Variants in TG observed in about 807,000 individuals in gnomAD.
TG encodes the protein thyroglobulin.
Under a neutral mutation model 324.7 loss-of-function variants are expected in TG, and 270 were observed. The observed-to-expected ratio is 0.83, with a 90% CI of 0.75 to 0.92. The LOEUF (loss-of-function observed/expected upper bound fraction) is 0.92. TG is among the 40% of genes least tolerant of loss of function. The pLI is 0.00. For synonymous variants in TG, 1,401 were observed against 1,327.0 expected, an observed-to-expected ratio of 1.06 and a Z score of -1.21; for missense variants, 3,591 against 3,456.4, an observed-to-expected ratio of 1.04 and a Z score of -0.98.
chr8:133,100,905 C>T (rs986092825), intron 43 of TG, among the ~76,000 whole-genome samples: 8 of 152,144 alleles, frequency 5.3e-5, no homozygotes, highest in African/African-American at 1.2e-4. Flanking sequence ...TCTTACTTTA[C>T]GTTATCTCAA....
At chr8:133,073,553 T>C (rs1844400635) in intron 41 of TG, among the ~76,000 whole-genome samples, 1 of 152,156 alleles carries the variant, frequency 6.6e-6, no homozygotes, top group Non-Finnish European at 1.5e-5. Flanking sequence ...AGCATTCTTC[T>C]AAATGGAGAC....
chr8:133,053,264 TTTGTGTGA>T (rs1435801696), intron 41 of TG, among the ~76,000 whole-genome samples: 3 of 152,142 alleles, frequency 2.0e-5, no homozygotes, highest in Non-Finnish European at 2.9e-5. Flanking sequence ...CATTTTCCCA[TTTGTGTGA>T]CTGTCAGGGG....
At chr8:132,983,261 T>C in intron 34 of TG, 89 bp from the exon 35 acceptor site, 1 of 1,427,440 alleles carries the variant, frequency 7.0e-7, no homozygotes, top group Non-Finnish European at 9.9e-7. Flanking sequence ...AATTTTACAA[T>C]CACCATCTTA....
At chr8:133,076,796 G>T (rs1485492595) in intron 41 of TG, 2 of 148,604 alleles carry the variant, frequency 1.3e-5, no homozygotes, top group East Asian at 1.9e-4. Context: ...CAAAAGCCCT[G>T]CCCTTCCCTG....
intron 45 of TG, among the ~76,000 whole-genome samples, chr8:133,131,297 G>A (rs192045283): frequency 1.3e-5 from 2 of 152,306 alleles, no homozygotes; most frequent in African/African-American, 4.8e-5. Flanking sequence ...AGTCTAGCAT[G>A]TATTTATTGA....
At chr8:133,049,160 G>C (rs1403851109) in intron 41 of TG, 1 of 456,474 alleles carries the variant, frequency 2.2e-6, no homozygotes, top group South Asian at 1.5e-5. Context: ...CACCCAGGAG[G>C]CTGCAGAGGC....
In TG at chr8:133,029,932, C is replaced by T; in HGVS notation, c.7148C>T (p.Ala2383Val). The T allele has an allele frequency of 1.9e-6, 3 of 1,614,200 alleles. No homozygotes were observed. Among genetic ancestry groups the T allele is most frequent in the Non-Finnish European group, 2.5e-6 (3 of 1,180,034 alleles). Residue 2383 changes from alanine (A) to valine (V), a missense_variant, in exon 41 of 48, where the codon GCA becomes GTA. Coordinates refer to ENST00000220616, the MANE Select transcript of TG (RefSeq NM_003235.5). Reference sequence around the variant, plus strand: ...GGGGACCCTCGGCGCGTGTCCCTGGCAGCAGACCGTGGCGGGGCTGATGTG... The same window carrying T: ...GGGGACCCTCGGCGCGTGTCCCTGGTAGCAGACCGTGGCGGGGCTGATGTG... ...FGGDPRRVSLAADRGGADVAS... is the reference protein window; with the variant it reads ...FGGDPRRVSLVADRGGADVAS...
Position 132,894,913 on chromosome 8 carries a change from G to A in TG, c.3001+984G>A, listed in dbSNP as rs150587423. 1.3e-4 allele frequency among the ~76,000 whole-genome samples: 20 copies of A among 152,340 alleles called. No homozygotes were observed. The East Asian group carries it at 3.9e-3, about 29-fold the overall frequency. ...TGCAAATGGGGAAATGGAGTCTGAGGTTAAGTCACTTGCCCGAATTCACAC... is the reference window on the plus strand; with the variant it reads ...TGCAAATGGGGAAATGGAGTCTGAGATTAAGTCACTTGCCCGAATTCACAC... On this transcript the variant is annotated intron_variant, in intron 11 of 47. Coordinates refer to ENST00000220616, the MANE Select transcript of TG (RefSeq NM_003235.5).
At chr8:132,917,153 C>T (rs1820455153) in intron 20 of TG, among the ~76,000 whole-genome samples, 1 of 151,602 alleles carries the variant, frequency 6.6e-6, no homozygotes, top group Non-Finnish European at 1.5e-5. Context: ...TGCCATGTTA[C>T]ACACTCAGGG....
At chr8:132,993,414 T>C (rs920338586) in intron 35 of TG, among the ~76,000 whole-genome samples, 1 of 152,198 alleles carries the variant, frequency 6.6e-6, no homozygotes, top group Admixed American at 6.5e-5. Flanking sequence ...ATTTCAATTG[T>C]CTCACCTGTA....
chr8:133,116,772 G>T, intron 45 of TG, 56 bp downstream of exon 45: 2 of 1,446,370 alleles, frequency 1.4e-6, no homozygotes, highest in Non-Finnish European at 9.7e-7. Context: ...ATAAGTCCCA[G>T]TTCGATGACA....
At chr8:132,972,502 A>T in intron 33 of TG, 96 bp from the exon 34 acceptor site, 1 of 1,418,282 alleles carries the variant, frequency 7.1e-7, no homozygotes, top group Non-Finnish European at 9.8e-7. Flanking sequence ...ATGTCTGCTG[A>T]ACAATGTACT....
rs747248399 is a variant in TG, at chr8:133,116,561, C to T, written c.7755-48C>T. 8.4e-6 allele frequency: 13 copies of T among 1,554,924 alleles called. No individual in the cohort carries two copies. The Admixed American group carries it at 2.2e-4, about 26-fold the overall frequency. On this transcript the variant is annotated intron_variant, in intron 44 of 47. Transcript: ENST00000220616. ...GAAGCCCTTTCCAGGCACCATGGCC[C>T]ATAGAGCCATGTTTAACCAGACTCC...
intron 40 of TG, among the ~76,000 whole-genome samples, chr8:133,024,248 C>T (rs1215552749): frequency 5.3e-5 from 8 of 152,192 alleles, no homozygotes; most frequent in African/African-American, 1.7e-4. Flanking sequence ...CTTTCAATTC[C>T]CTGTTCTTCA....
intron 33 of TG, 193 bp from the exon 34 acceptor site, chr8:132,972,405 C>A: frequency 1.6e-6 from 1 of 644,758 alleles, no homozygotes; most frequent in Non-Finnish European, 2.6e-6. Context: ...TATCCCTTTG[C>A]TCTTAGATCA....
chr8:133,132,439 T>G (rs1300089115), intron 46 of TG, among the ~76,000 whole-genome samples: 1 of 152,218 alleles, frequency 6.6e-6, no homozygotes, highest in Non-Finnish European at 1.5e-5. Context: ...TAAGTTGAAA[T>G]GCTCAGGGCC....
At chr8:132,960,809 C>T (rs1014140812) in intron 27 of TG, among the ~76,000 whole-genome samples, 199 bp from the exon 28 acceptor site, 2 of 152,070 alleles carry the variant, frequency 1.3e-5, no homozygotes, top group Admixed American at 1.3e-4. Context: ...AGTATGACAC[C>T]CATGTCTGAC....
At chr8:133,038,263 T>C (rs1473144283) in intron 41 of TG, 17 of 513,366 alleles carry the variant, frequency 3.3e-5, no homozygotes, top group Non-Finnish European at 4.9e-5. Flanking sequence ...CATACATACA[T>C]GCTGGGCTCT....
At chr8:132,872,604 A>G (rs1020933763) in intron 4 of TG, among the ~76,000 whole-genome samples, 1 of 152,114 alleles carries the variant, frequency 6.6e-6, no homozygotes, top group African/African-American at 2.4e-5. Context: ...ACAACAGTGC[A>G]CATGAATGTC....
Sources: gnomAD v4.1 joint callset for allele counts (sites outside exome capture counted in the v4.1 genomes callset) on GRCh38, gnomAD v4.1.1 for gene constraint, MANE v1.5 for transcripts, NCBI Gene and HGNC (gene_info 2026-07-23, HGNC 2026-07-21) for gene names.